Variants in RGS14 observed in about 807,000 individuals in gnomAD.
RGS14 encodes regulator of G-protein signaling 14.
A neutral mutation model predicts 63.8 loss-of-function variants in RGS14; 33 were observed. That is an observed-to-expected ratio of 0.52 (90% CI 0.39 to 0.69). The LOEUF (loss-of-function observed/expected upper bound fraction) is 0.69. Ranked by LOEUF, RGS14 falls within the 30% of genes least tolerant of loss-of-function variation. The probability of loss-of-function intolerance (pLI) is 0.00; values close to 1 mark genes in which losing one functional copy is unlikely to be tolerated. For synonymous variants in RGS14, 296 were observed against 320.9 expected (o/e 0.92, Z 0.83); for missense variants, 739 against 742.9 (o/e 0.99, Z 0.06).
intron 8 of RGS14, 62 bp downstream of exon 8, chr5:177,368,328 T>C: frequency 6.7e-7 from 1 of 1,493,674 alleles, no homozygotes; most frequent in South Asian, 1.3e-5. Flanking sequence ...TCAGGCCCAT[T>C]TACGTGGTGG....
intron 1 of RGS14, among the ~76,000 whole-genome samples, chr5:177,363,294 C>A (rs894764147): frequency 6.7e-6 from 1 of 149,062 alleles, no homozygotes; most frequent in South Asian, 2.1e-4. Flanking sequence ...GCGGGGAGCA[C>A]GAGAGCAGGG....
chr5:177,364,533 C>T lies in RGS14; in HGVS notation c.46-1430C>T, dbSNP rs1762048550. ...CCTCGCGCACACCCTGAGCCTCTGTCCTGCCCTCTAACCCCAAGTCAGGGG... is the reference window on the plus strand; with the variant it reads ...CCTCGCGCACACCCTGAGCCTCTGTTCTGCCCTCTAACCCCAAGTCAGGGG... On this transcript the variant is annotated intron_variant, in intron 1 of 14. Transcript: ENST00000408923. This position sits in a 1 kb window ranked among gnomAD's most constrained non-coding sequence, Gnocchi z 4.6. Among the ~76,000 whole-genome samples the T allele has an allele frequency of 6.6e-6, 1 of 152,164 alleles. No homozygotes were observed. The highest frequency in any genetic ancestry group is 1.5e-5 in the Non-Finnish European group (1 of 68,024).
chr5:177,361,093 C>T lies in RGS14; in HGVS notation c.45+3024C>T, dbSNP rs546399778. Among the ~76,000 whole-genome samples, 12 of 152,304 alleles carry T rather than the reference C, an allele frequency of 7.9e-5. No individual in the cohort carries two copies. In the South Asian group the frequency reaches 2.5e-3, roughly 32 times the overall value. On this transcript the variant is annotated intron_variant, in intron 1 of 14. Coordinates refer to ENST00000408923, the MANE Select transcript of RGS14 (RefSeq NM_006480.5). ...TGTCAGAGGGCCTAGTTAGTCTTCC[C>T]CTCCTGGCAGGAAGACCTGCAAGGC...
Position 177,364,078 on chromosome 5 carries a change from T to C in RGS14, c.46-1885T>C, listed in dbSNP as rs1762036963. 6.6e-6 allele frequency among the ~76,000 whole-genome samples: 1 copy of C among 152,162 alleles called. No homozygotes were observed. Among genetic ancestry groups the C allele is most frequent in the African/African-American group, 2.4e-5 (1 of 41,428 alleles). On this transcript the variant is annotated intron_variant, in intron 1 of 14. Coordinates refer to ENST00000408923, the MANE Select transcript of RGS14 (RefSeq NM_006480.5). The surrounding 1 kb of genome is among the most constrained non-coding windows in gnomAD (Gnocchi z 4.6). Reference sequence around the variant, plus strand: ...GCCAAGGTAATAGTAATTTCCCACATATCTGCAGACCGGATCTGGCCCACA... The same window carrying C: ...GCCAAGGTAATAGTAATTTCCCACACATCTGCAGACCGGATCTGGCCCACA...
In RGS14 at chr5:177,371,610, G is replaced by A. The variant is rs1581625323; in HGVS notation, c.1498+21G>A. ...CGAAGGTACATGGTGGATGAGCTGG[G>A]GATCAGAAAGACTAGGGCAGTGGGG... On this transcript the variant is annotated intron_variant, in intron 14 of 14. Transcript: ENST00000408923. This position sits in a 1 kb window ranked among gnomAD's most constrained non-coding sequence, Gnocchi z 6.1. The A allele has an allele frequency of 6.2e-7, 1 of 1,605,768 alleles. No individual in the cohort carries two copies. Among genetic ancestry groups the A allele is most frequent in the Non-Finnish European group, 8.5e-7 (1 of 1,172,572 alleles).
rs1236822655 is a variant in RGS14, at chr5:177,357,938, C to T, written c.-87C>T. ...CGAGTCAGGCTCTCTCCACTGCCTG[C>T]CCGCCACCGTGCAAGCTCTGGCCGG... On this transcript the variant is annotated 5_prime_UTR_variant, in exon 1 of 15. Transcript: ENST00000408923. 3 of 1,196,390 alleles carry T rather than the reference C, an allele frequency of 2.5e-6. No homozygotes were observed. The highest frequency in any genetic ancestry group is 3.2e-6 in the Non-Finnish European group (3 of 935,700). The allele number at this position is 1,196,390 out of a possible 1,614,324, so 74.1% of individuals were successfully genotyped here. A position where few individuals can be genotyped will look rare whatever the true frequency, so the allele number is the denominator to read the frequency against.
rs550724184 is a variant in RGS14, at chr5:177,364,567, G to A, written c.46-1396G>A. On this transcript the variant is annotated intron_variant, in intron 1 of 14. Transcript: ENST00000408923. This position sits in a 1 kb window ranked among gnomAD's most constrained non-coding sequence, Gnocchi z 4.6. ...TAACCCCAAGTCAGGGGTGATAGGC[G>A]CTGGAGCCGTTACCAGGAAGTTGGT... is the stretch of plus-strand genomic sequence containing the variant. Among the ~76,000 whole-genome samples the A allele has an allele frequency of 1.5e-4, 23 of 152,280 alleles. No homozygotes were observed. Among genetic ancestry groups the A allele is most frequent in the African/African-American group, 3.6e-4 (15 of 41,560 alleles).
In RGS14 at chr5:177,358,181, C is replaced by A; in HGVS notation, c.45+112C>A. ...CAAGAGCCCACGGGCTGCCAGCAGG[C>A]GAGAGAAGTTGGGTACAGACAGCAG... is the stretch of plus-strand genomic sequence containing the variant. On this transcript the variant is annotated intron_variant, in intron 1 of 14. Coordinates refer to ENST00000408923, the MANE Select transcript of RGS14 (RefSeq NM_006480.5). The surrounding 1 kb of genome is among the most constrained non-coding windows in gnomAD (Gnocchi z 4.8). 1.1e-6 allele frequency: 1 copy of A among 921,000 alleles called. No homozygotes were observed. Among genetic ancestry groups the A allele is most frequent in the Non-Finnish European group, 1.4e-6 (1 of 691,258 alleles). 57.1% of individuals were successfully genotyped at this position (921,000 alleles called of 1,614,324 possible). A position where few individuals can be genotyped will look rare whatever the true frequency, so the allele number is the denominator to read the frequency against.
At position 177,371,978 on chromosome 5, in the gene RGS14, C is replaced by T. The variant is rs376389265; in HGVS notation, c.1604C>T (p.Ala535Val). The T allele has an allele frequency of 4.2e-5, 68 of 1,614,026 alleles. No individual in the cohort carries two copies. The highest frequency in any genetic ancestry group is 3.3e-4 in the East Asian group (15 of 44,890). ...LVLPEFLQLP[A>V]QGPSSEETPP... is the part of the protein sequence containing the mutation. ...CTTCCAGAATTTCTGCAGCTGCCCG[C>T]CCAAGGGCCCAGCTCCGAGGAGACC... Residue 535 changes from alanine (A) to valine (V), a missense_variant, in exon 15 of 15, where the codon GCC (alanine) becomes GTC (valine). Ala to Val is a moderately conservative substitution (Grantham distance 64). Transcript: ENST00000408923. This position sits in a 1 kb window ranked among gnomAD's most constrained non-coding sequence, Gnocchi z 6.1.
At chr5:177,362,008 C>T (rs1020161710) in intron 1 of RGS14, among the ~76,000 whole-genome samples, 1 of 152,202 alleles carries the variant, frequency 6.6e-6, no homozygotes, top group African/African-American at 2.4e-5. Context: ...TGCACACCTG[C>T]ACCTCACTCC....
chr5:177,366,732 G>GTGA lies in RGS14; in HGVS notation c.271_272insTGA (p.Ala91delinsValThr), dbSNP rs1384456209. On this transcript the variant is annotated protein_altering_variant, in exon 4 of 15. Transcript: ENST00000408923. ...GGAGTTCCTGAAGAAGGAGTTCAGC[G>GTGA]CGGAAAACGTGACTTTCTGGAAGGC... The GTGA allele has an allele frequency of 6.2e-7, 1 of 1,614,112 alleles. No individual in the cohort carries two copies. The highest frequency in any genetic ancestry group is 1.1e-5 in the South Asian group (1 of 91,082).
In RGS14 at chr5:177,367,397, C is replaced by T; in HGVS notation, c.484-17C>T. 6.3e-7 allele frequency: 1 copy of T among 1,586,684 alleles called. No homozygotes were observed. The highest frequency in any genetic ancestry group is 1.1e-5 in the South Asian group (1 of 87,846). ...CCACCCCAGCCCCGGCTCACCTGTT[C>T]CGGGGTCGCCCCGCAGATCTTCAAC... On this transcript the variant is annotated splice_polypyrimidine_tract_variant and intron_variant, in intron 5 of 14. Coordinates refer to ENST00000408923, the MANE Select transcript of RGS14 (RefSeq NM_006480.5).
At position 177,371,405 on chromosome 5, in the gene RGS14, A is replaced by G; in HGVS notation, c.1383+9A>G. The G allele has an allele frequency of 6.2e-7, 1 of 1,613,936 alleles. No homozygotes were observed. Among genetic ancestry groups the G allele is most frequent in the Non-Finnish European group, 8.5e-7 (1 of 1,179,954 alleles). On this transcript the variant is annotated intron_variant, in intron 13 of 14. Transcript: ENST00000408923. The surrounding 1 kb of genome is among the most constrained non-coding windows in gnomAD (Gnocchi z 6.1). The stretch of plus-strand genomic sequence containing the variant: ...CTCCCTGCCGCAGCCAGGTGAGCGA[A>G]AGGCGAGTGGCCTCTTCCACCCTCT...
intron 8 of RGS14, 49 bp downstream of exon 8, chr5:177,368,315 T>G (rs372851371): frequency 2.0e-6 from 3 of 1,532,988 alleles, no homozygotes; most frequent in Non-Finnish European, 2.7e-6. Context: ...CTAGAGTCAC[T>G]ACTCAGGCCC....
In RGS14 at chr5:177,371,401, G is replaced by A; in HGVS notation, c.1383+5G>A. On this transcript the variant is annotated splice_donor_5th_base_variant and intron_variant, in intron 13 of 14. Coordinates refer to ENST00000408923, the MANE Select transcript of RGS14 (RefSeq NM_006480.5). The surrounding 1 kb of genome is among the most constrained non-coding windows in gnomAD (Gnocchi z 6.1). ...AAATCTCCCTGCCGCAGCCAGGTGA[G>A]CGAAAGGCGAGTGGCCTCTTCCACC... The A allele has an allele frequency of 6.2e-7, 1 of 1,614,148 alleles. No homozygotes were observed. Among genetic ancestry groups the A allele is most frequent in the Non-Finnish European group, 8.5e-7 (1 of 1,180,016 alleles).
chr5:177,366,755 G>A lies in RGS14; in HGVS notation c.294G>A (p.Lys98=). The A allele has an allele frequency of 6.2e-7, 1 of 1,614,184 alleles. No homozygotes were observed. Among genetic ancestry groups the A allele is most frequent in the Non-Finnish European group, 8.5e-7 (1 of 1,180,022 alleles). ...GCGCGGAAAACGTGACTTTCTGGAA[G>A]GCCTGCGAGCGCTTCCAGCAGATCC... ...EFSAENVTFW[K]ACERFQQIPA... The change falls in exon 4 of 15, where the codon AAG becomes AAA. Residue 98 remains lysine, a synonymous_variant. Coordinates refer to ENST00000408923, the MANE Select transcript of RGS14 (RefSeq NM_006480.5).
chr5:177,366,657 GGTCTCTGT>G (rs1762099362), intron 3 of RGS14, 43 bp from the exon 4 acceptor site: 1 of 1,540,422 alleles, frequency 6.5e-7, no homozygotes, highest in Non-Finnish European at 9.0e-7. Context: ...CCCCCAGTTT[GGTCTCTGT>G]GTCTCTGAGT....
In RGS14 at chr5:177,358,436, G is replaced by A. The variant is rs192397757; in HGVS notation, c.45+367G>A. On this transcript the variant is annotated intron_variant, in intron 1 of 14. Transcript: ENST00000408923. The surrounding 1 kb of genome is among the most constrained non-coding windows in gnomAD (Gnocchi z 4.8). ...GGCTCAAGCCCCTACATCCCGCTCA[G>A]CCTGAGTCCTCCCCTCCTCACCCCC... Among the ~76,000 whole-genome samples, 1 of 152,270 alleles carries A rather than the reference G, an allele frequency of 6.6e-6. No homozygotes were observed. Among genetic ancestry groups the A allele is most frequent in the African/African-American group, 2.4e-5 (1 of 41,550 alleles).
At chr5:177,367,319 TG>T in intron 5 of RGS14, 94 bp from the exon 6 acceptor site, 1 of 1,451,128 alleles carries the variant, frequency 6.9e-7, no homozygotes, top group Non-Finnish European at 9.3e-7. Context: ...GCCCTAGGTT[TG>T]GGGCGGGGCC....
Sources: gnomAD v4.1 joint callset for allele counts (sites outside exome capture counted in the v4.1 genomes callset) on GRCh38, gnomAD v4.1.1 for gene constraint, Gnocchi (gnomAD v3.1) non-coding constraint, MANE v1.5 for transcripts, NCBI Gene and HGNC (gene_info 2026-07-23, HGNC 2026-07-21) for gene names.